The following MSI2 variants were observed in gnomAD, a reference collection of about 807,000 sequenced individuals.
MSI2 encodes RNA-binding protein Musashi homolog 2.
MSI2 carries 17 observed loss-of-function variants against 45.6 expected under a neutral mutation model. The ratio of observed to expected loss-of-function variants is 0.37; its 90% CI spans 0.26 to 0.56. MSI2 has a LOEUF of 0.56. MSI2 is among the 20% of genes least tolerant of loss of function. The probability of loss-of-function intolerance (pLI) is 0.77; values close to 1 mark genes in which losing one functional copy is unlikely to be tolerated. For synonymous variants in MSI2, 156 were observed against 158.2 expected, an observed-to-expected ratio of 0.99 and a Z score of 0.11; for missense variants, 293 against 444.2, an observed-to-expected ratio of 0.66 and a Z score of 3.06.
chr17:57,691,174 CTCTT>C, the MSI2 span, among the ~76,000 whole-genome samples: 12 of 115,076 alleles, frequency 1.0e-4, no homozygotes, highest in African/African-American at 3.3e-4. Flanking sequence ...CAATCTCTCT[CTCTT>C]TCTCTCTCTC....
At chr17:57,307,737 C>T (rs1912038298) in intron 5 of MSI2, among the ~76,000 whole-genome samples, 1 of 152,254 alleles carries the variant, frequency 6.6e-6, no homozygotes, top group African/African-American at 2.4e-5. Flanking sequence ...CCGTGCCTGG[C>T]CTGCCCTAGG....
intron 11 of MSI2, among the ~76,000 whole-genome samples, chr17:57,655,889 T>C (rs1375038274): frequency 6.6e-6 from 1 of 152,206 alleles, no homozygotes; most frequent in Non-Finnish European, 1.5e-5. Context: ...TTGTACACTT[T>C]CGTTTTTGAT....
At chr17:57,507,251 G>C (rs796532847) in intron 6 of MSI2, among the ~76,000 whole-genome samples, 1 of 149,172 alleles carries the variant, frequency 6.7e-6, no homozygotes, top group African/African-American at 2.5e-5. Context: ...GTGTGTGTGT[G>C]TGTGTGTGTG....
At chr17:57,587,793 ACTTTT>A (rs1021310380) in intron 7 of MSI2, among the ~76,000 whole-genome samples, 2 of 152,148 alleles carry the variant, frequency 1.3e-5, no homozygotes, top group African/African-American at 4.8e-5. Flanking sequence ...CTAAGTGTCA[ACTTTT>A]CTTGTTTCTC....
At chr17:57,297,804 C>T (rs1485218666) in intron 5 of MSI2, among the ~76,000 whole-genome samples, 2 of 152,182 alleles carry the variant, frequency 1.3e-5, no homozygotes, top group African/African-American at 4.8e-5. Context: ...CACATCTTCA[C>T]CAGGAGTAGA....
chr17:57,467,757 T>A (rs1165208061), intron 6 of MSI2, among the ~76,000 whole-genome samples: 16 of 152,036 alleles, frequency 1.1e-4, no homozygotes, highest in Non-Finnish European at 2.1e-4. Flanking sequence ...TCCGTGAACA[T>A]TTACGGATGT....
At chr17:57,622,625 C>T (rs1213720344) in intron 9 of MSI2, among the ~76,000 whole-genome samples, 1 of 151,588 alleles carries the variant, frequency 6.6e-6, no homozygotes. Flanking sequence ...CTCAGTGTTC[C>T]CTGACATTAA....
rs115213123 is a variant in MSI2 at position 57,572,944 on chromosome 17, A to T, written c.455-23924A>T. 6.0e-3 allele frequency among the ~76,000 whole-genome samples: 920 copies of T among 152,380 alleles called. 6 individuals are homozygous for T. Among genetic ancestry groups the T allele is most frequent in the African/African-American group, 0.021 (878 of 41,590 alleles). Reference sequence around the variant, plus strand: ...GACCAATGCAAAGGTAACAGGATGCATTCTCACTGGAACTGCTGTGCAAGT... The same window carrying T: ...GACCAATGCAAAGGTAACAGGATGCTTTCTCACTGGAACTGCTGTGCAAGT... On this transcript the variant is annotated intron_variant, in intron 7 of 13. Transcript: ENST00000284073.
At chr17:57,421,786 G>A (rs558177129) in intron 6 of MSI2, among the ~76,000 whole-genome samples, 2 of 152,178 alleles carry the variant, frequency 1.3e-5, no homozygotes, top group South Asian at 4.1e-4. Flanking sequence ...GAGCCCAGGA[G>A]TTCGAGGCTG....
At chr17:57,431,075 C>CA (rs1257550497) in intron 6 of MSI2, among the ~76,000 whole-genome samples, 5 of 152,218 alleles carry the variant, frequency 3.3e-5, no homozygotes, top group African/African-American at 9.6e-5. Flanking sequence ...GAAATGCCCT[C>CA]AGTTGCTGAA....
At chr17:57,672,064 C>T (rs1276656148) in intron 11 of MSI2, among the ~76,000 whole-genome samples, 1 of 152,198 alleles carries the variant, frequency 6.6e-6, no homozygotes, top group Non-Finnish European at 1.5e-5. Flanking sequence ...GTGCTTATTG[C>T]CTGCTGGCTG....
chr17:57,391,739 T>A (rs929457139), intron 5 of MSI2, among the ~76,000 whole-genome samples: 8 of 152,208 alleles, frequency 5.3e-5, no homozygotes, highest in Non-Finnish European at 1.0e-4. Context: ...CACCTCTTTC[T>A]GAGGTTTATT....
At chr17:57,612,714 A>T (rs1321887301) in intron 8 of MSI2, among the ~76,000 whole-genome samples, 2 of 152,220 alleles carry the variant, frequency 1.3e-5, no homozygotes, top group Non-Finnish European at 2.9e-5. Context: ...CTCCCATTAC[A>T]GTCAGTTAAC....
chr17:57,447,866 G>A (rs965485964), intron 6 of MSI2, among the ~76,000 whole-genome samples: 1 of 152,188 alleles, frequency 6.6e-6, no homozygotes, highest in Non-Finnish European at 1.5e-5. Context: ...CATGACAGGG[G>A]TGGAGAAGGA....
At chr17:57,603,115 C>T (rs1332633643) in intron 8 of MSI2, among the ~76,000 whole-genome samples, 1 of 152,186 alleles carries the variant, frequency 6.6e-6, no homozygotes, top group Non-Finnish European at 1.5e-5. Flanking sequence ...GCTCTTGGCA[C>T]CACTCCATAC....
At chr17:57,338,939 A>C (rs1364187511) in intron 5 of MSI2, among the ~76,000 whole-genome samples, 3 of 152,114 alleles carry the variant, frequency 2.0e-5, no homozygotes, top group African/African-American at 7.2e-5. Context: ...GGCCTCTCTG[A>C]AGAGGCTTTC....
At position 57,276,119 on chromosome 17, in the gene MSI2, G is replaced by T. The variant is rs546710438; in HGVS notation, c.312+13927G>T. 2.6e-5 allele frequency among the ~76,000 whole-genome samples: 4 copies of T among 152,288 alleles called. No homozygotes were observed. The South Asian group carries it at 8.3e-4, about 32-fold the overall frequency. On this transcript the variant is annotated intron_variant, in intron 5 of 13. Transcript: ENST00000284073. ...ACCTCCTTCAGAAGATTCTGTAGGG[G>T]TTTTTATGTTTTCTAAGGCTGAAGG...
Position 57,680,444 on chromosome 17 carries a change from T to A in MSI2, c.*927T>A, listed in dbSNP as rs1235047466. 1.3e-5 allele frequency: 3 copies of A among 229,272 alleles called. No homozygotes were observed. The East Asian group carries it at 1.9e-4, about 14-fold the overall frequency. The allele number at this position is 229,272 out of a possible 1,614,324, so 14.2% of individuals were successfully genotyped here. A position where few individuals can be genotyped will look rare whatever the true frequency, so the allele number is the denominator to read the frequency against. ...GTCGGTCCCAGGCAGTTTGATGCTC[T>A]GTGGAAGGAGGCGGGAAGGGAACGT... is the stretch of plus-strand genomic sequence containing the variant. On this transcript the variant is annotated 3_prime_UTR_variant, in exon 14 of 14. Coordinates refer to ENST00000284073, the MANE Select transcript of MSI2 (RefSeq NM_138962.4).
At chr17:57,381,558 G>C (rs1411841884) in intron 5 of MSI2, among the ~76,000 whole-genome samples, 5 of 152,054 alleles carry the variant, frequency 3.3e-5, no homozygotes, top group Admixed American at 6.6e-5. Context: ...CCAGTAGCAG[G>C]TTACATATTG....
Sources: gnomAD v4.1 joint callset for allele counts (sites outside exome capture counted in the v4.1 genomes callset) on GRCh38, gnomAD v4.1.1 for gene constraint, MANE v1.5 for transcripts, NCBI Gene and HGNC (gene_info 2026-07-23, HGNC 2026-07-21) for gene names.